TNRC6C: variants seen among roughly 807,000 people sequenced by gnomAD.
The protein encoded by TNRC6C is trinucleotide repeat-containing gene 6C protein.
In TNRC6C, 20 loss-of-function variants were observed where a neutral mutation model predicts 153.7. The observed-to-expected ratio is 0.13, with a 90% CI of 0.09 to 0.19. The LOEUF is 0.19. Ranked by LOEUF, TNRC6C falls within the 10% of genes least tolerant of loss-of-function variation. The pLI is 1.00. For synonymous variants in TNRC6C, 811 were observed against 841.4 expected (o/e 0.96, Z 0.63); for missense variants, 1,987 against 2,172.0 (o/e 0.91, Z 1.69).
exon 3 of TNRC6C, chr17:78,050,286 A>C: frequency 6.4e-7 from 1 of 1,552,212 alleles, no homozygotes; most frequent in Non-Finnish European, 8.7e-7. Context: ...ACCACAATGA[A>C]GGAAGCACTG....
intron 1 of TNRC6C, among the ~76,000 whole-genome samples, chr17:77,993,200 A>G (rs57765876): frequency 0.08 from 12,173 of 152,140 alleles, 1,266 homozygotes; most frequent in African/African-American, 0.25. Context: ...GACCTCAGGT[A>G]ATCCACCCGC....
chr17:77,965,603 C>T (rs958636894), intron 1 of TNRC6C, among the ~76,000 whole-genome samples: 2 of 152,166 alleles, frequency 1.3e-5, no homozygotes, highest in African/African-American at 4.8e-5. Context: ...GCAGCGGCCA[C>T]AGGGGAAGGA....
rs1360439548 is a variant in TNRC6C at position 78,079,496 on chromosome 17, C to G, written c.3312C>G (p.Ser1104=). 6.2e-7 allele frequency: 1 copy of G among 1,613,804 alleles called. No individual in the cohort carries two copies. The highest frequency in any genetic ancestry group is 8.5e-7 in the Non-Finnish European group (1 of 1,179,836). The change falls in exon 10 of 20, where the codon TCC becomes TCG. Residue 1104 remains serine (S), a synonymous_variant. Coordinates refer to ENST00000301624, the Ensembl canonical transcript of TNRC6C. The surrounding 1 kb of genome is among the most constrained non-coding windows in gnomAD (Gnocchi z 4.3). ...CACCAGTGCAGCCTCTTAACTCTTC[C>G]CAGCCCAGTCTCCGTGCTCAAGTGC...
intron 1 of TNRC6C, among the ~76,000 whole-genome samples, chr17:78,017,392 C>T (rs2071748267): frequency 6.6e-6 from 1 of 152,174 alleles, no homozygotes; most frequent in Admixed American, 6.5e-5. Flanking sequence ...TCCCATGTTG[C>T]ATTCCTGCTC....
chr17:78,090,530 G>A (rs911865707), intron 13 of TNRC6C, among the ~76,000 whole-genome samples: 1 of 152,206 alleles, frequency 6.6e-6, no homozygotes, highest in Non-Finnish European at 1.5e-5. Flanking sequence ...ACAAGGGGAG[G>A]GGGGCGCTTG....
At chr17:78,077,308 A>T (rs1268238433) in exon 9 of TNRC6C, 2 of 1,579,430 alleles carry the variant, frequency 1.3e-6, no homozygotes, top group African/African-American at 2.7e-5. Flanking sequence ...CGGGCTGGGC[A>T]TGCAAAACTT....
intron 3 of TNRC6C, among the ~76,000 whole-genome samples, chr17:78,056,099 TTTGGCC>T (rs1237709301): frequency 6.6e-6 from 1 of 151,748 alleles, no homozygotes; most frequent in Non-Finnish European, 1.5e-5. Flanking sequence ...ATCCTCTCAC[TTTGGCC>T]TCCCAAAGTG....
At chr17:78,030,357 T>G (rs2072045281) in intron 1 of TNRC6C, among the ~76,000 whole-genome samples, 1 of 151,936 alleles carries the variant, frequency 6.6e-6, no homozygotes, top group East Asian at 1.9e-4. Flanking sequence ...AGAGACAGGG[T>G]TTCACCATTT....
At chr17:77,976,814 A>C (rs959856248) in intron 1 of TNRC6C, among the ~76,000 whole-genome samples, 3 of 151,424 alleles carry the variant, frequency 2.0e-5, no homozygotes, top group African/African-American at 7.3e-5. Flanking sequence ...TTATAATCCC[A>C]GCTATTGGGG....
At chr17:78,038,909 C>G (rs746540426) in intron 2 of TNRC6C, among the ~76,000 whole-genome samples, 1 of 152,020 alleles carries the variant, frequency 6.6e-6, no homozygotes, top group African/African-American at 2.4e-5. Flanking sequence ...TCACCGCAGG[C>G]GACCAGCGAG....
chr17:78,004,903 C>T (rs2071470054), upstream of TNRC6C, among the ~76,000 whole-genome samples: 1 of 151,890 alleles, frequency 6.6e-6, no homozygotes, highest in East Asian at 1.9e-4. Flanking sequence ...CACATTTTTC[C>T]CACTAATAAA....
intron 2 of TNRC6C, among the ~76,000 whole-genome samples, chr17:78,038,939 C>A (rs2143821985): frequency 6.6e-6 from 1 of 152,102 alleles, no homozygotes; most frequent in African/African-American, 2.4e-5. Context: ...AAAGGCGACG[C>A]TGGTGTGCTG....
rs773162047 is a variant in TNRC6C, at chr17:78,075,226, G to T, written c.3008G>T (p.Arg1003Leu). ...ATGGCCGCCAAGCCCCTCGGCTGCCGCCCGCCAATCTCCAAAGAGTCTTCC... is the reference window on the plus strand; with the variant it reads ...ATGGCCGCCAAGCCCCTCGGCTGCCTCCCGCCAATCTCCAAAGAGTCTTCC... Residue 1003 changes from arginine (R) to leucine (L), a missense_variant, in exon 8 of 20, where the codon CGC becomes CTC. This residue lies in a region of TNRC6C where 765 missense variants were observed against 908.6 expected (regional missense o/e 0.84). Transcript: ENST00000301624. The surrounding 1 kb of genome is among the most constrained non-coding windows in gnomAD (Gnocchi z 4.2). 1.3e-6 allele frequency: 2 copies of T among 1,590,440 alleles called. No homozygotes were observed. The highest frequency in any genetic ancestry group is 1.8e-5 in the Admixed American group (1 of 55,908).
chr17:78,049,371 T>C lies in TNRC6C; in HGVS notation c.309T>C (p.Asn103=), dbSNP rs1185597475. The stretch of plus-strand genomic sequence containing the variant: ...GCATTAATCTTAACCTTAATCCTAA[T>C]GCCAACCCAGCTGCCTGGCCTGTAC... Residue 103 remains asparagine (N), a synonymous_variant, in exon 3 of 20, where the codon AAT becomes AAC. Transcript: ENST00000301624. This position sits in a 1 kb window ranked among gnomAD's most constrained non-coding sequence, Gnocchi z 4.1. 6.2e-7 allele frequency: 1 copy of C among 1,614,004 alleles called. No homozygotes were observed. Among genetic ancestry groups the C allele is most frequent in the Non-Finnish European group, 8.5e-7 (1 of 1,179,894 alleles).
chr17:77,984,477 C>T (rs920048438), intron 1 of TNRC6C, among the ~76,000 whole-genome samples: 27 of 152,114 alleles, frequency 1.8e-4, no homozygotes, highest in African/African-American at 6.5e-4. Flanking sequence ...GTGGTTGCAC[C>T]ACTGCACCCC....
chr17:78,092,595 A>G (rs574856930), intron 14 of TNRC6C, among the ~76,000 whole-genome samples: 1 of 152,276 alleles, frequency 6.6e-6, no homozygotes, highest in African/African-American at 2.4e-5. Context: ...TGAAACAGTC[A>G]CTGGCCAGGC....
Position 78,079,387 on chromosome 17 carries a change from C to G in TNRC6C, c.3211-8C>G. On this transcript the variant is annotated splice_polypyrimidine_tract_variant and splice_region_variant and intron_variant, in intron 9 of 19. Coordinates refer to ENST00000301624, the Ensembl canonical transcript of TNRC6C. The surrounding 1 kb of genome is among the most constrained non-coding windows in gnomAD (Gnocchi z 4.3). ...CTTGGTAACGTGTTTAATTCTGTCC[C>G]TGTGCAGATACCGAGTGGCAATCTG... The G allele has an allele frequency of 6.2e-7, 1 of 1,613,564 alleles. No homozygotes were observed. The highest frequency in any genetic ancestry group is 1.1e-5 in the South Asian group (1 of 91,052).
At chr17:78,027,445 G>A (rs772559390) in intron 1 of TNRC6C, among the ~76,000 whole-genome samples, 5 of 152,108 alleles carry the variant, frequency 3.3e-5, no homozygotes, top group East Asian at 3.8e-4. Context: ...CACAAACACC[G>A]CAACCCTCTT....
At chr17:77,984,821 C>T (rs2071137112) in intron 1 of TNRC6C, among the ~76,000 whole-genome samples, 1 of 149,540 alleles carries the variant, frequency 6.7e-6, no homozygotes, top group South Asian at 2.1e-4. Context: ...TTCTTAGCCT[C>T]TTATACGCAC....
Sources: allele counts gnomAD v4.1 joint callset (sites outside exome capture counted in the v4.1 genomes callset), GRCh38; gene constraint gnomAD v4.1.1; regional missense constraint gnomAD v4.1.1; non-coding constraint Gnocchi (gnomAD v3.1); transcripts MANE v1.5; gene names NCBI Gene and HGNC (gene_info 2026-07-23, HGNC 2026-07-21).